HEPHL1: variants seen among roughly 807,000 people sequenced by gnomAD.
HEPHL1 encodes the protein hephaestin like 1.
A neutral mutation model predicts 122.0 loss-of-function variants in HEPHL1; 123 were observed. The ratio of observed to expected loss-of-function variants is 1.01; its 90% confidence interval spans 0.87 to 1.17. The LOEUF is 1.17. Ranked by LOEUF, HEPHL1 falls within the 50% of genes most tolerant of loss-of-function variation. HEPHL1 has a pLI of 0.00. For missense variants in HEPHL1, 1,452 were observed against 1,430.5 expected, an observed-to-expected ratio of 1.01 and a Z score of -0.24; for synonymous variants, 527 against 508.9, an observed-to-expected ratio of 1.04 and a Z score of -0.48.
chr11:94,044,816 G>C (rs1336066239), intron 1 of HEPHL1, among the ~76,000 whole-genome samples: 4 of 147,098 alleles, frequency 2.7e-5, no homozygotes, highest in Non-Finnish European at 5.9e-5. Context: ...AGGCTAGAGT[G>C]CAGTGGTGCG....
At chr11:94,105,498 C>T (rs1011233737) in intron 16 of HEPHL1, among the ~76,000 whole-genome samples, 5 of 152,160 alleles carry the variant, frequency 3.3e-5, no homozygotes, top group African/African-American at 2.4e-5. Flanking sequence ...ACTCAGTTTG[C>T]TTTGGTCATT....
intron 2 of HEPHL1, among the ~76,000 whole-genome samples, chr11:94,046,489 C>T (rs1212180676): frequency 6.7e-6 from 1 of 149,386 alleles, no homozygotes; most frequent in East Asian, 2.0e-4. Flanking sequence ...ACCTGCTCCA[C>T]CACGCACCAG....
intron 16 of HEPHL1, 77 bp downstream of exon 16, chr11:94,104,827 C>A: frequency 9.0e-7 from 1 of 1,109,946 alleles, no homozygotes; most frequent in Non-Finnish European, 1.3e-6. Context: ...AGGCTCCCAG[C>A]ATCCTTCTCT....
intron 1 of HEPHL1, among the ~76,000 whole-genome samples, chr11:94,024,711 C>G (rs541221010): frequency 6.6e-6 from 1 of 152,222 alleles, no homozygotes; most frequent in Middle Eastern, 3.4e-3. Context: ...TTATCATGAA[C>G]TTGGACACTG....
chr11:94,062,419 T>C (rs1215271630), intron 2 of HEPHL1, among the ~76,000 whole-genome samples: 4 of 152,242 alleles, frequency 2.6e-5, no homozygotes. Flanking sequence ...TAGAATTTGT[T>C]AAATGGTAAC....
rs527859421 is a variant in HEPHL1 at position 94,027,051 on chromosome 11, G to T, written c.170+5513G>T. On this transcript the variant is annotated intron_variant, in intron 1 of 19. Coordinates refer to ENST00000315765, the MANE Select transcript of HEPHL1 (RefSeq NM_001098672.2). ...TGTTGTCAGGGCCACAATGCCTCTG[G>T]AGGTTCTAAGGGAGGGGCCATTCCT... Among the ~76,000 whole-genome samples, 7 of 152,272 alleles carry T rather than the reference G, an allele frequency of 4.6e-5. No homozygotes were observed. In the East Asian group the frequency reaches 1.4e-3, roughly 29 times the overall value.
At chr11:94,104,846 C>T (rs1226423699) in intron 16 of HEPHL1, 96 bp downstream of exon 16, 3 of 959,294 alleles carry the variant, frequency 3.1e-6, no homozygotes, top group Non-Finnish European at 4.7e-6. Flanking sequence ...CTGAGCCTTT[C>T]CTCCTTCCCA....
At chr11:94,049,048 G>A (rs1945865640) in intron 2 of HEPHL1, among the ~76,000 whole-genome samples, 4 of 152,052 alleles carry the variant, frequency 2.6e-5, no homozygotes, top group Non-Finnish European at 5.9e-5. Flanking sequence ...TTGAACCTGG[G>A]AGGTGGAGGC....
chr11:94,023,306 C>T (rs1350151450), intron 1 of HEPHL1, among the ~76,000 whole-genome samples: 1 of 152,102 alleles, frequency 6.6e-6, no homozygotes, highest in African/African-American at 2.4e-5. Flanking sequence ...CTAGAAAGTC[C>T]TAATTTTTGC....
intron 13 of HEPHL1, among the ~76,000 whole-genome samples, chr11:94,095,008 G>C (rs547420839): frequency 1.4e-4 from 21 of 152,098 alleles, no homozygotes; most frequent in East Asian, 1.4e-3. Context: ...AATTAGATAC[G>C]ATTTGTCAAT....
At chr11:94,068,042 G>T (rs539616522) in intron 5 of HEPHL1, among the ~76,000 whole-genome samples, 1 of 152,174 alleles carries the variant, frequency 6.6e-6, no homozygotes, top group Non-Finnish European at 1.5e-5. Context: ...AAATGAATAC[G>T]ATTTAAGGCA....
chr11:94,084,991 A>G (rs1946204216), intron 10 of HEPHL1, among the ~76,000 whole-genome samples: 1 of 152,194 alleles, frequency 6.6e-6, no homozygotes, highest in South Asian at 2.1e-4. Context: ...AACAAAAAGT[A>G]ATTTTATTTG....
In HEPHL1 at chr11:94,104,671, C is replaced by T; in HGVS notation, c.2826C>T (p.Asp942=). 6.2e-7 allele frequency: 1 copy of T among 1,613,488 alleles called. No individual in the cohort carries two copies. The highest frequency in any genetic ancestry group is 8.5e-7 in the Non-Finnish European group (1 of 1,179,494). The change falls in exon 16 of 20, where the codon GAC becomes GAT. Residue 942 remains aspartate (D), a synonymous_variant. Transcript: ENST00000315765. ...FNENESWYLD[D]NIKKYLNKDP... ...AGAATGAATCCTGGTATCTGGATGA[C>T]AATATTAAGAAGTATCTCAACAAAG...
intron 13 of HEPHL1, among the ~76,000 whole-genome samples, chr11:94,094,008 AT>A (rs1565360550): frequency 2.2e-4 from 25 of 114,474 alleles, no homozygotes; most frequent in Non-Finnish European, 3.4e-4. Flanking sequence ...ATATATATAT[AT>A]ATATAAAACT....
At chr11:94,047,233 G>T (rs1266522221) in intron 2 of HEPHL1, among the ~76,000 whole-genome samples, 1 of 152,118 alleles carries the variant, frequency 6.6e-6, no homozygotes, top group Admixed American at 6.5e-5. Context: ...TAAGTTCAGG[G>T]ATATAAGTGC....
At chr11:94,075,030 TG>T in intron 8 of HEPHL1, 143 bp from the exon 9 acceptor site, 1 of 640,808 alleles carries the variant, frequency 1.6e-6, no homozygotes, top group Non-Finnish European at 2.7e-6. Context: ...TGGCCTCTTC[TG>T]GTAGGATACA....
chr11:94,065,224 A>G (rs554546416), intron 4 of HEPHL1, among the ~76,000 whole-genome samples: 1 of 152,328 alleles, frequency 6.6e-6, no homozygotes, highest in Non-Finnish European at 1.5e-5. Context: ...TTATTCATTG[A>G]CATATCTTCT....
intron 17 of HEPHL1, among the ~76,000 whole-genome samples, chr11:94,108,780 CA>C (rs1946427196): frequency 1.3e-5 from 2 of 152,010 alleles, no homozygotes; most frequent in African/African-American, 2.4e-5. Flanking sequence ...TTGAATGCCA[CA>C]ATGTTTTGAT....
intron 13 of HEPHL1, among the ~76,000 whole-genome samples, chr11:94,093,977 T>TAG (rs1946284944): frequency 1.6e-5 from 1 of 61,216 alleles, no homozygotes; most frequent in Non-Finnish European, 2.8e-5. Context: ...AGCAGATATA[T>TAG]ATATATATAT....
Sources: gnomAD v4.1 joint callset for allele counts (sites outside exome capture counted in the v4.1 genomes callset) on GRCh38, gnomAD v4.1.1 for gene constraint, MANE v1.5 for transcripts, NCBI Gene and HGNC (gene_info 2026-07-23, HGNC 2026-07-21) for gene names.